The following WDR49 variants were observed in gnomAD, a reference collection of about 807,000 sequenced individuals.
The protein encoded by WDR49 is cilia- and flagella-associated protein 337.
WDR49 carries 107 observed loss-of-function variants against 119.5 expected under a neutral mutation model. That is an observed-to-expected ratio of 0.90 (90% CI 0.77 to 1.05). WDR49 has a LOEUF of 1.05. Ranked by LOEUF, WDR49 falls within the 50% of genes least tolerant of loss-of-function variation. WDR49 has a pLI of 0.00. For synonymous variants in WDR49, 425 were observed against 418.8 expected, an observed-to-expected ratio of 1.01 and a Z score of -0.18; for missense variants, 1,240 against 1,220.5, an observed-to-expected ratio of 1.02 and a Z score of -0.24.
intron 16 of WDR49, among the ~76,000 whole-genome samples, chr3:167,517,485 C>T (rs78232784): frequency 1.4e-3 from 210 of 152,128 alleles, no homozygotes; most frequent in African/African-American, 4.7e-3. Flanking sequence ...AAATTGAAAC[C>T]GGTCTCCTTC....
At chr3:167,599,145 G>A (rs1440531172) in intron 7 of WDR49, among the ~76,000 whole-genome samples, 1 of 152,206 alleles carries the variant, frequency 6.6e-6, no homozygotes. Context: ...TGGTTAAGCA[G>A]ACAACCTTGT....
chr3:167,587,733 C>T (rs1023453874), intron 7 of WDR49, among the ~76,000 whole-genome samples: 1 of 152,150 alleles, frequency 6.6e-6, no homozygotes, highest in Non-Finnish European at 1.5e-5. Context: ...ATCCACCCAC[C>T]TCAGCTTCCC....
At chr3:167,498,130 G>T (rs142317596) in intron 18 of WDR49, among the ~76,000 whole-genome samples, 1 of 152,028 alleles carries the variant, frequency 6.6e-6, no homozygotes, top group East Asian at 1.9e-4. Context: ...ATGAGCCACC[G>T]CGCCCAGCCC....
At chr3:167,480,298 A>C (rs963059172) in intron 18 of WDR49, among the ~76,000 whole-genome samples, 2 of 151,716 alleles carry the variant, frequency 1.3e-5, no homozygotes, top group Admixed American at 1.3e-4. Context: ...CTATTAGAAT[A>C]ACTCTGAATA....
At chr3:167,621,943 T>A (rs1295865609) in intron 3 of WDR49, among the ~76,000 whole-genome samples, 3 of 152,058 alleles carry the variant, frequency 2.0e-5, no homozygotes, top group African/African-American at 7.2e-5. Context: ...CAGGAGAGAC[T>A]AAGGCACAGA....
In WDR49 at chr3:167,495,390, A is replaced by G. The variant is rs1354300228; in HGVS notation, c.3031+4763T>C. ...TATATATAATTTCAGATATACATAC[A>G]TATATAATCTGAAACTGGGAACTGA... On this transcript the variant is annotated intron_variant, in intron 18 of 18. Transcript: ENST00000682715. Among the ~76,000 whole-genome samples, 5 of 152,120 alleles carry G rather than the reference A, an allele frequency of 3.3e-5. No individual in the cohort carries two copies. The East Asian group carries it at 9.6e-4, about 29-fold the overall frequency.
chr3:167,528,059 T>G (rs530805227), intron 14 of WDR49, 42 bp from the exon 15 acceptor site: 5 of 1,541,562 alleles, frequency 3.2e-6, no homozygotes, highest in Non-Finnish European at 4.5e-6. Context: ...AATTCAAATA[T>G]GAAATGATTA....
chr3:167,485,638 G>A (rs1026457779), intron 18 of WDR49, among the ~76,000 whole-genome samples: 3 of 151,974 alleles, frequency 2.0e-5, no homozygotes, highest in African/African-American at 4.8e-5. Context: ...TTTAACAGCT[G>A]AATAGACCAA....
chr3:167,521,556 T>C (rs1165772231), intron 16 of WDR49, among the ~76,000 whole-genome samples: 1 of 152,228 alleles, frequency 6.6e-6, no homozygotes, highest in Non-Finnish European at 1.5e-5. Flanking sequence ...TTTTATAGAA[T>C]GACTATTTTC....
At chr3:167,610,573 C>A (rs1304222509) in intron 5 of WDR49, among the ~76,000 whole-genome samples, 3 of 152,230 alleles carry the variant, frequency 2.0e-5, no homozygotes, top group African/African-American at 7.2e-5. Flanking sequence ...CCCTGACTTG[C>A]AGATGGCATT....
chr3:167,554,019 G>A (rs1016851370), intron 10 of WDR49, among the ~76,000 whole-genome samples: 1 of 151,890 alleles, frequency 6.6e-6, no homozygotes, highest in Non-Finnish European at 1.5e-5. Flanking sequence ...GCAATATTTT[G>A]TAAACTGATG....
intron 12 of WDR49, among the ~76,000 whole-genome samples, chr3:167,532,659 C>T (rs555747870): frequency 2.0e-5 from 3 of 152,088 alleles, no homozygotes; most frequent in Non-Finnish European, 4.4e-5. Context: ...ACCAATGTAG[C>T]ATAAAGAGAA....
intron 7 of WDR49, among the ~76,000 whole-genome samples, chr3:167,598,338 G>A (rs1247855885): frequency 6.6e-6 from 1 of 151,984 alleles, no homozygotes; most frequent in Non-Finnish European, 1.5e-5. Flanking sequence ...AAAGAAATGT[G>A]AGAAGGACAT....
intron 10 of WDR49, among the ~76,000 whole-genome samples, chr3:167,550,432 A>T (rs1464186619): frequency 6.6e-6 from 1 of 152,068 alleles, no homozygotes; most frequent in Non-Finnish European, 1.5e-5. Flanking sequence ...TTGGATTCCT[A>T]GGTATTTTAT....
chr3:167,543,614 C>A (rs566354574), intron 10 of WDR49, among the ~76,000 whole-genome samples: 7 of 151,958 alleles, frequency 4.6e-5, no homozygotes, highest in African/African-American at 1.4e-4. Context: ...AAACCCTCAG[C>A]AAAATCAGCA....
At chr3:167,568,158 G>A (rs1444855696) in intron 8 of WDR49, among the ~76,000 whole-genome samples, 3 of 152,096 alleles carry the variant, frequency 2.0e-5, no homozygotes, top group Admixed American at 2.0e-4. Flanking sequence ...AATTTGTTCA[G>A]GCAGCAATCC....
chr3:167,612,963 G>C (rs781323648), intron 5 of WDR49, among the ~76,000 whole-genome samples: 1 of 152,172 alleles, frequency 6.6e-6, no homozygotes, highest in Non-Finnish European at 1.5e-5. Context: ...TACTTAAAAA[G>C]AGTAAGACTA....
chr3:167,578,586 C>T (rs1714373070), intron 7 of WDR49, among the ~76,000 whole-genome samples: 1 of 151,754 alleles, frequency 6.6e-6, no homozygotes, highest in African/African-American at 2.4e-5. Flanking sequence ...TTTTTTAGTC[C>T]TATTGTTATT....
Position 167,522,402 on chromosome 3 carries a change from A to G in WDR49, c.2687T>C (p.Ile896Thr). The G allele has an allele frequency of 3.1e-6, 5 of 1,611,376 alleles. No homozygotes were observed. The highest frequency in any genetic ancestry group is 1.3e-5 in the African/African-American group (1 of 74,868). The change falls in exon 16 of 19, where the codon ATT becomes ACT. Residue 896 changes from isoleucine (I) to threonine (T), a missense_variant. Transcript: ENST00000682715. ...NLVESEIQKE[I>T]SLFSKEESCL... The stretch of plus-strand genomic sequence containing the variant: ...AGATTCCTCCTTAGAAAATAAAGAA[A>G]TTTCCTTTTGAATCTCACTTTCCAC...
Sources: allele counts gnomAD v4.1 joint callset (sites outside exome capture counted in the v4.1 genomes callset), GRCh38; gene constraint gnomAD v4.1.1; transcripts MANE v1.5; gene names NCBI Gene and HGNC (gene_info 2026-07-23, HGNC 2026-07-21).